ARIH1: variants seen among roughly 807,000 people sequenced by gnomAD.
ARIH1 encodes the protein ariadne RBR E3 ubiquitin protein ligase 1, also known as E3 ubiquitin-protein ligase ARIH1.
ARIH1 carries 8 observed loss-of-function variants against 85.0 expected under a neutral mutation model. That is an observed-to-expected ratio of 0.09 (90% CI 0.06 to 0.17). ARIH1 has a LOEUF of 0.17. Among genes scored for constraint, ARIH1 ranks in the 10% least tolerant of loss-of-function variants. The probability of loss-of-function intolerance (pLI) is 1.00; values close to 1 mark genes in which losing one functional copy is unlikely to be tolerated. For synonymous variants in ARIH1, 238 were observed against 253.6 expected, an observed-to-expected ratio of 0.94 and a Z score of 0.59; for missense variants, 311 against 718.1, an observed-to-expected ratio of 0.43 and a Z score of 6.48.
At chr15:72,484,550 G>GAAT (rs2063829441) in intron 1 of ARIH1, among the ~76,000 whole-genome samples, 1 of 151,656 alleles carries the variant, frequency 6.6e-6, no homozygotes, top group South Asian at 2.1e-4. Context: ...ACTTCTCTTA[G>GAAT]AATAATAAGT....
At chr15:72,519,718 A>T (rs1428098395) in intron 2 of ARIH1, among the ~76,000 whole-genome samples, 1 of 151,794 alleles carries the variant, frequency 6.6e-6, no homozygotes, top group Non-Finnish European at 1.5e-5. Flanking sequence ...TCCCAACCTC[A>T]GGTGATCTGC....
chr15:72,492,848 T>A (rs1290969642), intron 1 of ARIH1, among the ~76,000 whole-genome samples: 1 of 152,204 alleles, frequency 6.6e-6, no homozygotes, highest in African/African-American at 2.4e-5. Context: ...AGTATTCTAG[T>A]CACCCTTAGG....
chr15:72,484,651 A>G (rs945672131), intron 1 of ARIH1, among the ~76,000 whole-genome samples: 3 of 148,448 alleles, frequency 2.0e-5, no homozygotes, highest in Non-Finnish European at 3.0e-5. Context: ...ATATATGTGT[A>G]TATATATATG....
rs1306544224 is a variant in ARIH1 at position 72,474,442 on chromosome 15, C to G, written c.-198C>G. The stretch of plus-strand genomic sequence containing the variant: ...AGCAAGCGGCCCCCTCGCTCCCTCC[C>G]TCCCTCCTCCGCGCCCTCCCCGCCG... On this transcript the variant is annotated 5_prime_UTR_variant, in exon 1 of 14. Coordinates refer to ENST00000379887, the MANE Select transcript of ARIH1 (RefSeq NM_005744.5). The G allele has an allele frequency of 1.5e-6, 1 of 682,878 alleles. No homozygotes were observed. Among genetic ancestry groups the G allele is most frequent in the Non-Finnish European group, 2.3e-6 (1 of 425,874 alleles). 42.3% of individuals were successfully genotyped at this position (682,878 alleles called of 1,614,324 possible). A position where few individuals can be genotyped will look rare whatever the true frequency, so the allele number is the denominator to read the frequency against.
intron 1 of ARIH1, among the ~76,000 whole-genome samples, chr15:72,481,383 G>T (rs1269774743): frequency 6.6e-6 from 1 of 152,114 alleles, no homozygotes; most frequent in Non-Finnish European, 1.5e-5. Flanking sequence ...CTACAGAGGT[G>T]GGTTAATGAG....
intron 1 of ARIH1, among the ~76,000 whole-genome samples, 178 bp from the exon 2 acceptor site, chr15:72,517,889 T>C (rs543216781): frequency 1.3e-5 from 2 of 152,326 alleles, no homozygotes; most frequent in South Asian, 4.1e-4. Context: ...TGGCAGACTA[T>C]GTTTAAATAG....
intron 2 of ARIH1, among the ~76,000 whole-genome samples, chr15:72,541,245 A>G (rs2064106048): frequency 6.6e-6 from 1 of 152,204 alleles, no homozygotes; most frequent in South Asian, 2.1e-4. Context: ...GTAAGGAGCC[A>G]GCAGTCTAGC....
intron 2 of ARIH1, among the ~76,000 whole-genome samples, chr15:72,530,318 C>G (rs2064050272): frequency 6.6e-6 from 1 of 152,178 alleles, no homozygotes; most frequent in South Asian, 2.1e-4. Flanking sequence ...GTCCTTGTTG[C>G]TCTAGCAGTG....
Position 72,561,181 on chromosome 15 carries a change from C to T in ARIH1, c.738-302C>T, listed in dbSNP as rs138478499. ...ATCAGAGTCAAAAGACCCTGAAATG[C>T]GCTTATACTTGGCACTAGTTGGTAA... is the stretch of plus-strand genomic sequence containing the variant. On this transcript the variant is annotated intron_variant, in intron 5 of 13. Transcript: ENST00000379887. Among the ~76,000 whole-genome samples, 274 of 152,122 alleles carry T rather than the reference C, an allele frequency of 1.8e-3. 1 individual carries two copies. Among genetic ancestry groups the T allele is most frequent in the Middle Eastern group, 0.01 (3 of 294 alleles).
chr15:72,551,994 T>A (rs1037979150), intron 3 of ARIH1, among the ~76,000 whole-genome samples: 2 of 152,222 alleles, frequency 1.3e-5, no homozygotes, highest in African/African-American at 4.8e-5. Flanking sequence ...GTCATGGGCA[T>A]GAGAAATCAA....
intron 1 of ARIH1, among the ~76,000 whole-genome samples, chr15:72,478,883 A>G (rs1323976764): frequency 3.9e-5 from 6 of 152,140 alleles, no homozygotes; most frequent in Non-Finnish European, 7.4e-5. Context: ...TGTTGCCCAG[A>G]CTGAAGTGCA....
chr15:72,547,216 C>T (rs1400989624), intron 3 of ARIH1, among the ~76,000 whole-genome samples: 3 of 132,626 alleles, frequency 2.3e-5, no homozygotes, highest in Non-Finnish European at 4.9e-5. Context: ...CGTGAGCCAC[C>T]GCGCCTGGCC....
Position 72,474,758 on chromosome 15 carries a change from T to C in ARIH1, c.119T>C (p.Leu40Pro). Residue 40 changes from leucine to proline, a missense_variant, in exon 1 of 14, where the codon CTG becomes CCG. Coordinates refer to ENST00000379887, the MANE Select transcript of ARIH1 (RefSeq NM_005744.5). ...EDDDEPDDDTLDLGEVELVEP... is the reference protein window; with the variant it reads ...EDDDEPDDDTPDLGEVELVEP... ...GACGACGAGCCGGACGATGATACCC[T>C]GGATCTGGGCGAGGTGGAGCTGGTG... 1 of 1,551,540 alleles carries C rather than the reference T, an allele frequency of 6.4e-7. No homozygotes were observed. The highest frequency in any genetic ancestry group is 8.7e-7 in the Non-Finnish European group (1 of 1,149,446).
At chr15:72,482,549 T>A (rs2063820428) in intron 1 of ARIH1, among the ~76,000 whole-genome samples, 1 of 152,164 alleles carries the variant, frequency 6.6e-6, no homozygotes, top group Non-Finnish European at 1.5e-5. Context: ...GAATGGAGCT[T>A]ATAAATGCTG....
intron 1 of ARIH1, among the ~76,000 whole-genome samples, chr15:72,490,591 C>G (rs1315458314): frequency 1.3e-5 from 2 of 152,066 alleles, no homozygotes; most frequent in Non-Finnish European, 2.9e-5. Flanking sequence ...TCCATGAAAC[C>G]AGTCCCTAGT....
At chr15:72,518,194 A>G in intron 2 of ARIH1, 60 bp downstream of exon 2, 2 of 1,392,090 alleles carry the variant, frequency 1.4e-6, no homozygotes, top group Non-Finnish European at 2.0e-6. Flanking sequence ...TATTGAACCG[A>G]ATTTACAAGA....
intron 2 of ARIH1, among the ~76,000 whole-genome samples, chr15:72,529,445 G>A (rs1354992853): frequency 1.3e-5 from 2 of 152,114 alleles, no homozygotes; most frequent in South Asian, 2.1e-4. Flanking sequence ...GACCACACTG[G>A]TCTGGAACTC....
chr15:72,512,062 G>A lies in ARIH1; in HGVS notation c.376-6005G>A, dbSNP rs371950240. Among the ~76,000 whole-genome samples, 16 of 152,220 alleles carry A rather than the reference G, an allele frequency of 1.1e-4. No individual in the cohort carries two copies. The East Asian group carries it at 2.1e-3, about 20-fold the overall frequency. ...TATCCTTTTTATATATTGCTAGATT[G>A]TATTTCCTAATATTTCATTGAGGAT... On this transcript the variant is annotated intron_variant, in intron 1 of 13. Coordinates refer to ENST00000379887, the MANE Select transcript of ARIH1 (RefSeq NM_005744.5).
intron 1 of ARIH1, among the ~76,000 whole-genome samples, chr15:72,475,773 A>G (rs1323598593): frequency 6.6e-6 from 1 of 152,214 alleles, no homozygotes; most frequent in East Asian, 1.9e-4. Context: ...ATATTGGACA[A>G]GACTCTATTG....
Sources: gnomAD v4.1 joint callset for allele counts (sites outside exome capture counted in the v4.1 genomes callset) on GRCh38, gnomAD v4.1.1 for gene constraint, MANE v1.5 for transcripts, NCBI Gene and HGNC (gene_info 2026-07-23, HGNC 2026-07-21) for gene names.